The following REST variants were observed in gnomAD, a reference collection of about 807,000 sequenced individuals.
The protein encoded by REST is RE1-silencing transcription factor.
Under a neutral mutation model 30.4 loss-of-function variants are expected in REST, and 1 was observed. That is an observed-to-expected ratio of 0.03 (90% CI 0.01 to 0.16). REST has a LOEUF of 0.16. Among genes scored for constraint, REST ranks in the 10% least tolerant of loss-of-function variants. The pLI is 1.00. For missense variants in REST, 1,259 were observed against 1,329.5 expected (o/e 0.95, Z 0.82); for synonymous variants, 504 against 451.1 (o/e 1.12, Z -1.49).
intron 2 of REST, among the ~76,000 whole-genome samples, chr4:56,911,787 G>A (rs532853362): frequency 3.9e-5 from 6 of 152,254 alleles, no homozygotes; most frequent in African/African-American, 1.4e-4. Flanking sequence ...ATCTTACCGT[G>A]GTCTTACTAA....
At position 56,910,632 on chromosome 4, in the gene REST, TAC is replaced by T; in HGVS notation, c.-5_-4del. On this transcript the variant is annotated 5_prime_UTR_variant, in exon 2 of 4. Coordinates refer to ENST00000309042, the MANE Select transcript of REST (RefSeq NM_005612.5). ...GTTTTGTTTTGTTTTTAATTCAGAA[TAC>T]AGTTATGGCCACCCAGGTAATGGGG... The T allele has an allele frequency of 2.5e-6, 4 of 1,597,398 alleles. No individual in the cohort carries two copies. The highest frequency in any genetic ancestry group is 1.7e-5 in the Admixed American group (1 of 58,580).
chr4:56,929,050 C>T (rs1001968801), intron 3 of REST, among the ~76,000 whole-genome samples: 9 of 151,868 alleles, frequency 5.9e-5, no homozygotes, highest in South Asian at 2.1e-4. Flanking sequence ...AGGTGCACTC[C>T]ACTATGCCTG....
rs529281885 is a variant in REST, at chr4:56,932,024, G to T, written c.3166G>T (p.Ala1056Ser). 1 of 1,614,232 alleles carries T rather than the reference G, an allele frequency of 6.2e-7. No homozygotes were observed. The highest frequency in any genetic ancestry group is 1.1e-5 in the South Asian group (1 of 91,084). Reference protein sequence around the residue: ...NAKEALAVKAAKGDFVCIFCD... With the variant: ...NAKEALAVKASKGDFVCIFCD... ...AAAGGAAGCCTTGGCAGTCAAAGCGGCTAAGGGAGATTTTGTTTGTATCTT... is the reference window on the plus strand; with the variant it reads ...AAAGGAAGCCTTGGCAGTCAAAGCGTCTAAGGGAGATTTTGTTTGTATCTT... Residue 1056 changes from alanine to serine, a missense_variant, in exon 4 of 4, where the codon GCT (alanine) becomes TCT (serine). Physicochemically the swap from Ala to Ser is moderately conservative, Grantham distance 99. Transcript: ENST00000309042.
intron 2 of REST, among the ~76,000 whole-genome samples, chr4:56,912,791 C>CGT (rs1210446365): frequency 6.6e-6 from 1 of 151,152 alleles, no homozygotes; most frequent in Non-Finnish European, 1.5e-5. Flanking sequence ...GGATTACAGG[C>CGT]GTGAGTGCCA....
intron 3 of REST, among the ~76,000 whole-genome samples, chr4:56,923,590 A>G (rs552421876): frequency 1.3e-5 from 2 of 151,362 alleles, no homozygotes; most frequent in East Asian, 3.9e-4. Flanking sequence ...AATTACAGGC[A>G]CCCGCCACCA....
chr4:56,925,312 A>G (rs1455110724), intron 3 of REST, among the ~76,000 whole-genome samples: 4 of 152,180 alleles, frequency 2.6e-5, no homozygotes, highest in Non-Finnish European at 4.4e-5. Context: ...TCCTAGGCTC[A>G]AACGATCCTC....
chr4:56,933,569 G>A lies in REST; in HGVS notation c.*1417G>A, dbSNP rs1407326324. On this transcript the variant is annotated 3_prime_UTR_variant, in exon 4 of 4. Transcript: ENST00000309042. Reference sequence around the variant, plus strand: ...TCTCAGGGATCTCCACAAACTGGTGGGTGTCCTGGCTGTCTGTGTGATAGC... The same window carrying A: ...TCTCAGGGATCTCCACAAACTGGTGAGTGTCCTGGCTGTCTGTGTGATAGC... The A allele has an allele frequency of 3.3e-5, 5 of 152,134 alleles. No homozygotes were observed. The highest frequency in any genetic ancestry group is 3.3e-4 in the Admixed American group (5 of 15,256). 9.4% of individuals were successfully genotyped at this position (152,134 alleles called of 1,614,324 possible).
Position 56,931,730 on chromosome 4 carries a change from A to G in REST, c.2872A>G (p.Asn958Asp). ...GGACACTGATCAGAACACAAGAGAG[A>G]ATCTCACTGGTATAAATTCAACAGT... ...KMDTDQNTRE[N>D]LTGINSTVEE... The change falls in exon 4 of 4, where the codon AAT (asparagine) becomes GAT (aspartate). Residue 958 changes from asparagine (N) to aspartate (D), a missense_variant. Asn to Asp is a conservative substitution (Grantham distance 23). Coordinates refer to ENST00000309042, the MANE Select transcript of REST (RefSeq NM_005612.5). 6.2e-7 allele frequency: 1 copy of G among 1,614,210 alleles called. No homozygotes were observed. The highest frequency in any genetic ancestry group is 1.7e-5 in the Admixed American group (1 of 60,020).
Position 56,931,534 on chromosome 4 carries a change from C to G in REST, c.2676C>G (p.Ala892=). 1.2e-6 allele frequency: 2 copies of G among 1,614,086 alleles called. No individual in the cohort carries two copies. The highest frequency in any genetic ancestry group is 1.7e-6 in the Non-Finnish European group (2 of 1,180,028). ...LLNTGEGNKE[A]PLQKVGAEEA... is the part of the protein sequence containing the mutation. ...ACACAGGTGAAGGAAATAAAGAAGC[C>G]CCTCTTCAGAAAGTAGGAGCAGAAG... The change falls in exon 4 of 4, where the codon GCC becomes GCG. Residue 892 remains alanine, a synonymous_variant. Transcript: ENST00000309042.
At chr4:56,914,307 A>G (rs968035049) in intron 2 of REST, among the ~76,000 whole-genome samples, 27 of 152,178 alleles carry the variant, frequency 1.8e-4, no homozygotes, top group Admixed American at 2.0e-4. Flanking sequence ...AGGCTTAAAC[A>G]ATAAAACTTG....
intron 2 of REST, among the ~76,000 whole-genome samples, chr4:56,918,866 T>C (rs1184149320): frequency 1.3e-5 from 2 of 152,016 alleles, no homozygotes; most frequent in African/African-American, 4.8e-5. Context: ...AGAGGAGGTC[T>C]TGCTATGTTG....
In REST at chr4:56,933,036, A is replaced by ATTGATT. The variant is rs1396626027; in HGVS notation, c.*893_*898dup. 1 of 151,598 alleles carries ATTGATT rather than the reference A, an allele frequency of 6.6e-6. No homozygotes were observed. Among genetic ancestry groups the ATTGATT allele is most frequent in the African/African-American group, 2.4e-5 (1 of 41,232 alleles). 9.4% of individuals were successfully genotyped at this position (151,598 alleles called of 1,614,324 possible). A position where few individuals can be genotyped will look rare whatever the true frequency, so the allele number is the denominator to read the frequency against. On this transcript the variant is annotated 3_prime_UTR_variant, in exon 4 of 4. Transcript: ENST00000309042. ...CAAATGAAATATGCAGGTTCAATCT[A>ATTGATT]TTGATTTTGATTTTTACATCTTATA...
chr4:56,912,081 C>T (rs1719953943), intron 2 of REST, among the ~76,000 whole-genome samples: 1 of 152,182 alleles, frequency 6.6e-6, no homozygotes, highest in African/African-American at 2.4e-5. Flanking sequence ...CAGTGATTAA[C>T]CTTGCACATG....
chr4:56,912,131 T>A (rs1221233084), intron 2 of REST, among the ~76,000 whole-genome samples: 1 of 152,168 alleles, frequency 6.6e-6, no homozygotes, highest in African/African-American at 2.4e-5. Flanking sequence ...ACATTTGACT[T>A]ATAGCATTGA....
rs763756962 is a variant in REST, at chr4:56,911,468, C to G, written c.830C>G (p.Thr277Arg). ...LRNHFPRKVY[T>R]CGKCNYFSDR... ...AACCATTTTCCAAGGAAAGTATACA[C>G]ATGTGGAAAATGCAACTATTTTTCA... The change falls in exon 2 of 4, where the codon ACA becomes AGA. Residue 277 changes from threonine to arginine, a missense_variant. Thr to Arg is a moderately conservative substitution (Grantham distance 71). Around this residue, in one of 5 missense-constraint regions of REST, gnomAD observed 125 missense variants for 255.4 expected, o/e 0.49. Transcript: ENST00000309042. 3.7e-6 allele frequency: 6 copies of G among 1,614,038 alleles called. No individual in the cohort carries two copies. In the South Asian group the frequency reaches 6.6e-5, roughly 18 times the overall value.
chr4:56,920,416 A>G (rs781290763), intron 3 of REST, among the ~76,000 whole-genome samples: 3 of 151,134 alleles, frequency 2.0e-5, no homozygotes, highest in Non-Finnish European at 4.4e-5. Context: ...GGACTGTAAC[A>G]TGAGAGATTC....
At chr4:56,918,657 A>C (rs1349472729) in intron 2 of REST, among the ~76,000 whole-genome samples, 1 of 152,046 alleles carries the variant, frequency 6.6e-6, no homozygotes, top group East Asian at 1.9e-4. Flanking sequence ...CTCTGGGCTC[A>C]AGTGATCCTC....
At chr4:56,912,294 G>A (rs185909374) in intron 2 of REST, among the ~76,000 whole-genome samples, 17 of 151,712 alleles carry the variant, frequency 1.1e-4, no homozygotes, top group Non-Finnish European at 2.5e-4. Context: ...TATGTTTAGG[G>A]TGTTTGAACT....
At chr4:56,918,266 C>T (rs905983355) in intron 2 of REST, among the ~76,000 whole-genome samples, 3 of 151,546 alleles carry the variant, frequency 2.0e-5, no homozygotes, top group African/African-American at 4.9e-5. Context: ...CCAATATAGG[C>T]GGATTGCTTG....
Sources: allele counts gnomAD v4.1 joint callset (sites outside exome capture counted in the v4.1 genomes callset), GRCh38; gene constraint gnomAD v4.1.1; regional missense constraint gnomAD v4.1.1; transcripts MANE v1.5; gene names NCBI Gene and HGNC (gene_info 2026-07-23, HGNC 2026-07-21).